The following SRPRB variants were observed in gnomAD, a reference collection of about 807,000 sequenced individuals.
The protein encoded by SRPRB is SRP receptor subunit beta.
A neutral mutation model predicts 31.9 loss-of-function variants in SRPRB; 20 were observed. The observed-to-expected ratio is 0.63, with a 90% CI of 0.44 to 0.91. SRPRB has a LOEUF of 0.91. Among genes scored for constraint, SRPRB ranks in the 40% least tolerant of loss-of-function variants. The probability of loss-of-function intolerance (pLI) is 0.00; values close to 1 mark genes in which losing one functional copy is unlikely to be tolerated. For missense variants in SRPRB, 321 were observed against 324.9 expected (o/e 0.99, Z 0.09); for synonymous variants, 146 against 132.8 (o/e 1.10, Z -0.68).
intron 4 of SRPRB, 25 bp downstream of exon 4, chr3:133,811,224 G>A (rs1374027164): frequency 3.1e-6 from 5 of 1,609,174 alleles, no homozygotes. Flanking sequence ...AGTGAAGTGG[G>A]CTTGTCTAGG....
intron 6 of SRPRB, among the ~76,000 whole-genome samples, chr3:133,818,541 A>T (rs1247592463): frequency 1.3e-5 from 2 of 152,094 alleles, no homozygotes; most frequent in Non-Finnish European, 2.9e-5. Context: ...ACGGTATATT[A>T]TATTTACATG....
At chr3:133,798,505 A>G (rs1187590227) in intron 1 of SRPRB, among the ~76,000 whole-genome samples, 2 of 152,192 alleles carry the variant, frequency 1.3e-5, no homozygotes, top group African/African-American at 4.8e-5. Context: ...CAGTATTTTA[A>G]TTGGAACTCT....
At chr3:133,808,921 G>A (rs1176079419) in intron 3 of SRPRB, among the ~76,000 whole-genome samples, 1 of 151,522 alleles carries the variant, frequency 6.6e-6, no homozygotes, top group African/African-American at 2.4e-5. Flanking sequence ...GGAATCATGG[G>A]AAAGACATTT....
intron 6 of SRPRB, among the ~76,000 whole-genome samples, chr3:133,818,525 A>G (rs952256319): frequency 6.6e-5 from 10 of 152,240 alleles, no homozygotes; most frequent in Admixed American, 6.5e-4. Flanking sequence ...ATAGTCTCTC[A>G]ATAACACGGT....
At chr3:133,805,293 C>A (rs563652614), upstream of SRPRB, among the ~76,000 whole-genome samples, 43 of 152,286 alleles carry the variant, frequency 2.8e-4, no homozygotes, top group Admixed American at 1.0e-3. Flanking sequence ...TTCTGCACAG[C>A]ACCTTTTTTT....
At chr3:133,806,063 C>T in intron 1 of SRPRB, 61 bp downstream of exon 1, 2 of 1,574,778 alleles carry the variant, frequency 1.3e-6, no homozygotes, top group East Asian at 2.3e-5. Context: ...GCTTTGGCTG[C>T]ACCGCTGCAG....
chr3:133,794,570 T>C (rs1934920417), intron 1 of SRPRB: 1 of 152,238 alleles, frequency 6.6e-6, no homozygotes, highest in Non-Finnish European at 1.5e-5. Context: ...AAACTGAAGA[T>C]TGTATCTTCT....
At chr3:133,793,525 A>G (rs746279102) in intron 1 of SRPRB, 1 of 152,190 alleles carries the variant, frequency 6.6e-6, no homozygotes, top group Non-Finnish European at 1.5e-5. Context: ...TCTTCAGGTT[A>G]TATTTTAGTG....
intron 4 of SRPRB, 37 bp from the exon 5 acceptor site, chr3:133,815,553 C>T (rs775017337): frequency 7.4e-6 from 12 of 1,611,030 alleles, no homozygotes; most frequent in Middle Eastern, 1.6e-4. Flanking sequence ...TCCTGTTACA[C>T]GTTCACATGC....
At chr3:133,805,587 T>C (rs1935136235), upstream of SRPRB, 1 of 371,666 alleles carries the variant, frequency 2.7e-6, no homozygotes, top group Non-Finnish European at 4.8e-6. Context: ...CTTTCAACAG[T>C]CATAACGTAG....
At chr3:133,805,731 G>T (rs1262662456), upstream of SRPRB, 8 of 1,368,462 alleles carry the variant, frequency 5.8e-6, no homozygotes, top group East Asian at 7.9e-5. Flanking sequence ...GGATCGCCGC[G>T]GCTGAGGGAG....
Position 133,806,596 on chromosome 3 carries a change from G to A in SRPRB, c.155-13G>A. On this transcript the variant is annotated splice_polypyrimidine_tract_variant and intron_variant, in intron 1 of 6. Coordinates refer to ENST00000678299, the MANE Select transcript of SRPRB (RefSeq NM_001379313.1). ...GGCGTAATTTTTGTTGTTTTTCTCT[G>A]TCTATTCCACAGTCTTCTGGAAGTT... 3.7e-6 allele frequency: 6 copies of A among 1,611,584 alleles called. No individual in the cohort carries two copies. Among genetic ancestry groups the A allele is most frequent in the Non-Finnish European group, 5.1e-6 (6 of 1,177,746 alleles).
At chr3:133,797,277 G>A (rs2107961071) in intron 1 of SRPRB, among the ~76,000 whole-genome samples, 1 of 152,298 alleles carries the variant, frequency 6.6e-6, no homozygotes, top group Admixed American at 6.5e-5. Context: ...TGCTTCAAAA[G>A]TAGAATTGTT....
intron 1 of SRPRB, among the ~76,000 whole-genome samples, chr3:133,806,391 C>T (rs1053834904): frequency 1.3e-5 from 2 of 152,138 alleles, no homozygotes; most frequent in South Asian, 2.1e-4. Flanking sequence ...CACCTGAGTC[C>T]CAGTCAGAGT....
chr3:133,793,865 C>T (rs1353996341), intron 1 of SRPRB: 1 of 152,104 alleles, frequency 6.6e-6, no homozygotes, highest in Admixed American at 6.5e-5. Flanking sequence ...ATCATTTGAA[C>T]TGGGTAAGAA....
At chr3:133,803,719 C>A (rs1317554589), upstream of SRPRB, among the ~76,000 whole-genome samples, 2 of 150,162 alleles carry the variant, frequency 1.3e-5, no homozygotes, top group Non-Finnish European at 3.0e-5. Context: ...GGCTGGAGTG[C>A]AGTGGCATGT....
At chr3:133,824,442 A>AGAT (rs1272111146), downstream of SRPRB, 1 of 152,212 alleles carries the variant, frequency 6.6e-6, no homozygotes, top group Non-Finnish European at 1.5e-5. Flanking sequence ...ACACACCGCG[A>AGAT]GATGCAGGCT....
At chr3:133,810,606 G>A (rs566126439) in intron 3 of SRPRB, 1 of 146,648 alleles carries the variant, frequency 6.8e-6, no homozygotes, top group African/African-American at 2.7e-5. Flanking sequence ...GATTAAGGGT[G>A]GAAATGATAA....
At chr3:133,784,479 ATAATAAT>A (rs1559882863) in intron 1 of SRPRB, 3 of 137,138 alleles carry the variant, frequency 2.2e-5, no homozygotes, top group African/African-American at 9.1e-5. Context: ...AAAAATAATA[ATAATAAT>A]AATAATAATA....
Sources: gnomAD v4.1 joint callset for allele counts (sites outside exome capture counted in the v4.1 genomes callset) on GRCh38, gnomAD v4.1.1 for gene constraint, MANE v1.5 for transcripts, NCBI Gene and HGNC (gene_info 2026-07-23, HGNC 2026-07-21) for gene names.